Variants in AFF3 observed in about 807,000 individuals in gnomAD.
AFF3 encodes AF4/FMR2 family member 3.
A neutral mutation model predicts 129.7 loss-of-function variants in AFF3; 32 were observed. The observed-to-expected ratio is 0.25, with a 90% confidence interval of 0.19 to 0.33. The LOEUF is 0.33. Ranked by LOEUF, AFF3 falls within the 10% of genes least tolerant of loss-of-function variation. AFF3 has a pLI of 1.00. For missense variants in AFF3, 1,373 were observed against 1,592.0 expected, an observed-to-expected ratio of 0.86 and a Z score of 2.34; for synonymous variants, 644 against 635.4, an observed-to-expected ratio of 1.01 and a Z score of -0.20.
chr2:100,046,459 C>G (rs1559084549), intron 4 of AFF3, among the ~76,000 whole-genome samples: 1 of 152,168 alleles, frequency 6.6e-6, no homozygotes, highest in South Asian at 2.1e-4. Flanking sequence ...GGAAAGCAGT[C>G]CTCATTGGAA....
chr2:99,951,007 A>G (rs1440994219), intron 7 of AFF3, among the ~76,000 whole-genome samples: 1 of 152,256 alleles, frequency 6.6e-6, no homozygotes, highest in Non-Finnish European at 1.5e-5. Context: ...ATCCACTGAA[A>G]ATAGAGGTCA....
chr2:99,644,983 C>T (rs376837030), intron 13 of AFF3, among the ~76,000 whole-genome samples: 45 of 152,310 alleles, frequency 3.0e-4, no homozygotes, highest in Admixed American at 8.5e-4. Context: ...ATAAGTGAGA[C>T]GAATTCTGTC....
At chr2:99,957,192 T>G (rs893471145) in intron 7 of AFF3, among the ~76,000 whole-genome samples, 5 of 151,456 alleles carry the variant, frequency 3.3e-5, no homozygotes, top group Admixed American at 3.3e-4. Flanking sequence ...CGTGTGTGTG[T>G]GTGCGCGCGC....
chr2:99,614,657 T>C (rs1380221815), intron 13 of AFF3, among the ~76,000 whole-genome samples: 1 of 152,244 alleles, frequency 6.6e-6, no homozygotes, highest in East Asian at 1.9e-4. Flanking sequence ...GTTCTAACAC[T>C]CGAAACATTT....
chr2:99,754,882 C>T lies in AFF3; in HGVS notation c.922-2581G>A, dbSNP rs143411575. 2.6e-4 allele frequency among the ~76,000 whole-genome samples: 39 copies of T among 152,316 alleles called. 1 individual carries two copies. The highest frequency in any genetic ancestry group is 1.7e-3 in the South Asian group (8 of 4,826). On this transcript the variant is annotated intron_variant, in intron 8 of 24. Coordinates refer to ENST00000672756, the MANE Select transcript of AFF3 (RefSeq NM_001386135.1). ...GCACTGTAACTGTGTCTTATGTACA[C>T]GAAGTGCTCAGTTCAGCATCTACTG... is the stretch of plus-strand genomic sequence containing the variant.
At chr2:100,024,589 CAA>C (rs1199278915) in intron 4 of AFF3, among the ~76,000 whole-genome samples, 3 of 151,678 alleles carry the variant, frequency 2.0e-5, no homozygotes, top group Admixed American at 6.6e-5. Context: ...GCCTGGGCAA[CAA>C]GAGTGAAACT....
intron 8 of AFF3, among the ~76,000 whole-genome samples, chr2:99,804,696 A>G (rs1346316376): frequency 6.6e-6 from 1 of 152,196 alleles, no homozygotes; most frequent in African/African-American, 2.4e-5. Context: ...GTGCTCATCA[A>G]CTGATGAGTG....
At position 99,601,601 on chromosome 2, in the gene AFF3, TTGGGCTGCTGGACCAC is replaced by T. The variant is rs1679846735; in HGVS notation, c.1189_1204del (p.Val397ThrfsTer71). 1 of 1,597,204 alleles carries T rather than the reference TTGGGCTGCTGGACCAC, an allele frequency of 6.3e-7. No individual in the cohort carries two copies. The highest frequency in any genetic ancestry group is 8.5e-7 in the Non-Finnish European group (1 of 1,176,832). ...GCTGGAAGGCACCGAGGTTCTGCAG[TTGGGCTGCTGGACCAC>T]GGCGCTGCCAGCCCGCGAGGCCCCC... On this transcript the variant is annotated frameshift_variant, in exon 14 of 25. Coordinates refer to ENST00000672756, the MANE Select transcript of AFF3 (RefSeq NM_001386135.1). LOFTEE classifies it high-confidence loss of function.
chr2:99,919,319 G>A (rs925637859), intron 7 of AFF3, among the ~76,000 whole-genome samples: 1 of 151,934 alleles, frequency 6.6e-6, no homozygotes, highest in Non-Finnish European at 1.5e-5. Context: ...TCACATTTCA[G>A]ATGAATTTAA....
intron 4 of AFF3, among the ~76,000 whole-genome samples, chr2:100,045,515 G>C (rs537222989): frequency 2.0e-5 from 3 of 150,984 alleles, no homozygotes; most frequent in Admixed American, 2.0e-4. Context: ...AAATACAGTT[G>C]ATCCTTCAAC....
intron 12 of AFF3, among the ~76,000 whole-genome samples, chr2:99,661,842 A>G (rs1686254028): frequency 6.6e-6 from 1 of 152,236 alleles, no homozygotes; most frequent in African/African-American, 2.4e-5. Flanking sequence ...AATTTTATTT[A>G]TAAAATACAA....
chr2:99,868,906 C>T (rs1486428528), intron 7 of AFF3, among the ~76,000 whole-genome samples: 1 of 152,166 alleles, frequency 6.6e-6, no homozygotes, highest in African/African-American at 2.4e-5. Flanking sequence ...GATCCTCTGG[C>T]CTCAGCTTCC....
At chr2:99,623,687 C>A (rs1443516786) in intron 13 of AFF3, among the ~76,000 whole-genome samples, 1 of 152,250 alleles carries the variant, frequency 6.6e-6, no homozygotes, top group Non-Finnish European at 1.5e-5. Context: ...TGCCCAGCCA[C>A]CCACTGCATG....
At chr2:99,554,774 TGA>T in intron 22 of AFF3, 42 bp from the exon 23 acceptor site, 1 of 1,611,424 alleles carries the variant, frequency 6.2e-7, no homozygotes. Context: ...GCCATCTGCG[TGA>T]GGTGAAACAG....
chr2:99,650,542 A>G (rs1685140366), intron 12 of AFF3, among the ~76,000 whole-genome samples: 1 of 152,112 alleles, frequency 6.6e-6, no homozygotes, highest in Non-Finnish European at 1.5e-5. Context: ...CTGGGCAACA[A>G]GAGTAAAACT....
At chr2:99,659,135 G>A (rs560270098) in intron 12 of AFF3, among the ~76,000 whole-genome samples, 2 of 152,304 alleles carry the variant, frequency 1.3e-5, no homozygotes, top group South Asian at 2.1e-4. Flanking sequence ...GGGTAGGAGC[G>A]AACATCGCTG....
At chr2:100,072,710 G>T (rs1688292885) in intron 4 of AFF3, among the ~76,000 whole-genome samples, 2 of 152,182 alleles carry the variant, frequency 1.3e-5, no homozygotes, top group African/African-American at 4.8e-5. Flanking sequence ...TGTATTAAGT[G>T]CAGGATTAAT....
intron 7 of AFF3, among the ~76,000 whole-genome samples, chr2:99,979,130 G>A (rs1422960659): frequency 6.6e-6 from 1 of 151,438 alleles, no homozygotes; most frequent in African/African-American, 2.4e-5. Context: ...TGCCTCCCTA[G>A]TATCCTCAAA....
chr2:99,605,840 A>G (rs1320991521), intron 13 of AFF3, among the ~76,000 whole-genome samples: 3 of 147,990 alleles, frequency 2.0e-5, no homozygotes, highest in Non-Finnish European at 4.5e-5. Flanking sequence ...GTACCACCAT[A>G]CCCGGCTAAT....
Sources: gnomAD v4.1 joint callset for allele counts (sites outside exome capture counted in the v4.1 genomes callset) on GRCh38, gnomAD v4.1.1 for gene constraint, MANE v1.5 for transcripts, NCBI Gene and HGNC (gene_info 2026-07-23, HGNC 2026-07-21) for gene names.